Variants in IL1RAPL1 observed in about 807,000 individuals in gnomAD.
IL1RAPL1 encodes the protein interleukin-1 receptor accessory protein-like 1.
In IL1RAPL1, 3 loss-of-function variants were observed where a neutral mutation model predicts 48.4. That is an observed-to-expected ratio of 0.06 (90% CI 0.03 to 0.16). IL1RAPL1 has a LOEUF of 0.16. Ranked by LOEUF, IL1RAPL1 falls within the 10% of genes least tolerant of loss-of-function variation. The pLI is 1.00. For synonymous variants in IL1RAPL1, 185 were observed against 187.7 expected (o/e 0.99, Z 0.12); for missense variants, 349 against 530.6 (o/e 0.66, Z 3.36).
At chrX:28,847,891 A>G (rs1921553247) in intron 2 of IL1RAPL1, among the ~76,000 whole-genome samples, 1 of 112,010 alleles carries the variant, frequency 8.9e-6, no homozygotes, top group South Asian at 3.7e-4. Flanking sequence ...TGTCAGCTCC[A>G]TGAGGAGAGA....
chrX:28,685,838 TC>T (rs1255241620), intron 1 of IL1RAPL1, among the ~76,000 whole-genome samples: 4 of 112,009 alleles, frequency 3.6e-5, no homozygotes, highest in Admixed American at 1.9e-4. Context: ...TTCTCCCTTC[TC>T]AAGATTTTCT....
intron 2 of IL1RAPL1, among the ~76,000 whole-genome samples, chrX:29,044,402 C>T (rs1289247255): frequency 9.1e-6 from 1 of 110,312 alleles, no homozygotes; most frequent in Non-Finnish European, 1.9e-5. Context: ...TACACTCCAG[C>T]CTAGGCAACA....
intron 5 of IL1RAPL1, among the ~76,000 whole-genome samples, chrX:29,499,205 T>C (rs16988599): frequency 0.074 from 8,211 of 111,582 alleles, 752 homozygotes; most frequent in African/African-American, 0.25. Context: ...GATTTGAATA[T>C]TGTTTGAGTG....
chrX:28,962,621 T>C (rs1290637062), intron 2 of IL1RAPL1, among the ~76,000 whole-genome samples: 76 of 111,282 alleles, frequency 6.8e-4, no homozygotes, highest in Non-Finnish European at 7.5e-5. Flanking sequence ...AAATAATAAG[T>C]AGTTATATAC....
intron 6 of IL1RAPL1, among the ~76,000 whole-genome samples, chrX:29,756,982 G>A (rs1928635083): frequency 9.0e-6 from 1 of 111,324 alleles, no homozygotes; most frequent in Admixed American, 9.6e-5. Context: ...GGAATGCCAA[G>A]GATTGCTGAC....
intron 2 of IL1RAPL1, among the ~76,000 whole-genome samples, chrX:28,839,279 T>G (rs112838037): frequency 0.019 from 2,067 of 111,109 alleles, 50 homozygotes; most frequent in African/African-American, 0.064. Flanking sequence ...TGCTAGAACC[T>G]ATACCAAACT....
chrX:29,635,795 GAA>G (rs199689857), intron 5 of IL1RAPL1, among the ~76,000 whole-genome samples: 3 of 97,793 alleles, frequency 3.1e-5, no homozygotes, highest in East Asian at 3.1e-4. Flanking sequence ...GATGCTTCCG[GAA>G]AAAAAAAAAA....
intron 2 of IL1RAPL1, among the ~76,000 whole-genome samples, chrX:29,169,798 C>G (rs1300851774): frequency 4.5e-5 from 5 of 110,323 alleles, no homozygotes; most frequent in African/African-American, 1.6e-4. Context: ...TTAAATTAAG[C>G]AATAAAGGAT....
At chrX:28,705,547 C>T (rs374243232) in intron 1 of IL1RAPL1, among the ~76,000 whole-genome samples, 58 of 111,824 alleles carry the variant, frequency 5.2e-4, no homozygotes, top group African/African-American at 1.8e-3. Flanking sequence ...AAACTAGCAA[C>T]GTGCACATGT....
At chrX:29,557,575 A>C (rs1349794088) in intron 5 of IL1RAPL1, among the ~76,000 whole-genome samples, 1 of 111,571 alleles carries the variant, frequency 9.0e-6, no homozygotes, top group Non-Finnish European at 1.9e-5. Flanking sequence ...TGCACAATAC[A>C]GTATTATTAA....
rs150369127 is a variant in IL1RAPL1 at position 28,778,653 on chromosome X, C to G, written c.-24-10667C>G. On this transcript the variant is annotated intron_variant, in intron 1 of 10. Transcript: ENST00000378993. Reference sequence around the variant, plus strand: ...CAGCACAGTGCACTTTCCATTTTAGCTAGTCAGGTTCATCCATTTACAGTA... The same window carrying G: ...CAGCACAGTGCACTTTCCATTTTAGGTAGTCAGGTTCATCCATTTACAGTA... Among the ~76,000 whole-genome samples, 1,091 of 111,849 alleles carry G rather than the reference C, an allele frequency of 9.8e-3. 11 individuals are homozygous for G. The highest frequency in any genetic ancestry group is 0.017 in the Non-Finnish European group (882 of 53,053).
intron 5 of IL1RAPL1, among the ~76,000 whole-genome samples, chrX:29,433,913 T>G (rs2147714102): frequency 9.1e-6 from 1 of 110,111 alleles, no homozygotes; most frequent in Non-Finnish European, 1.9e-5. Flanking sequence ...CATTTTACAG[T>G]TGTGCCTTTG....
intron 6 of IL1RAPL1, among the ~76,000 whole-genome samples, chrX:29,802,914 TGTAC>T (rs1930007705): frequency 3.7e-5 from 2 of 54,372 alleles, no homozygotes; most frequent in African/African-American, 1.4e-4. Context: ...TGTATATATG[TGTAC>T]ATATATACAT....
intron 6 of IL1RAPL1, among the ~76,000 whole-genome samples, chrX:29,771,467 T>C (rs1303066584): frequency 8.9e-6 from 1 of 112,272 alleles, no homozygotes; most frequent in Admixed American, 9.4e-5. Context: ...TTCCCATTAC[T>C]GGAAGGAAAG....
At position 28,620,011 on chromosome X, in the gene IL1RAPL1, C is replaced by T. The variant is rs4893579; in HGVS notation, c.-25+31964C>T. ...GAAATAACTTTGGAACATGCTGCTT[C>T]TATGTCTCTTACATGGATATTCACA... On this transcript the variant is annotated intron_variant, in intron 1 of 10. Coordinates refer to ENST00000378993, the MANE Select transcript of IL1RAPL1 (RefSeq NM_014271.4). Among the ~76,000 whole-genome samples, 278 of 110,910 alleles carry T rather than the reference C, an allele frequency of 2.5e-3. 1 individual carries two copies. The East Asian group carries it at 0.037, about 15-fold the overall frequency.
At chrX:29,702,722 C>G (rs764297911) in intron 6 of IL1RAPL1, among the ~76,000 whole-genome samples, 1 of 112,336 alleles carries the variant, frequency 8.9e-6, no homozygotes, top group Non-Finnish European at 1.9e-5. Flanking sequence ...GAGTTTTCTT[C>G]AAGTGACATG....
chrX:29,253,646 G>T (rs767539395), intron 2 of IL1RAPL1, among the ~76,000 whole-genome samples: 1 of 111,066 alleles, frequency 9.0e-6, no homozygotes, highest in East Asian at 2.8e-4. Context: ...GGATTAACTG[G>T]ATCCTAACAC....
chrX:28,745,274 A>T (rs1463665244), intron 1 of IL1RAPL1, among the ~76,000 whole-genome samples: 1 of 111,662 alleles, frequency 9.0e-6, no homozygotes, highest in African/African-American at 3.3e-5. Flanking sequence ...CATTACCTTC[A>T]GCCTTGAGCA....
intron 2 of IL1RAPL1, among the ~76,000 whole-genome samples, chrX:28,873,806 CA>C (rs1490374958): frequency 0.014 from 1,496 of 109,592 alleles, 18 homozygotes; most frequent in Non-Finnish European, 0.019. Context: ...GCTGGGATTA[CA>C]AGCATGAGCC....
Sources: gnomAD v4.1 joint callset for allele counts (sites outside exome capture counted in the v4.1 genomes callset) on GRCh38, gnomAD v4.1.1 for gene constraint, MANE v1.5 for transcripts, NCBI Gene and HGNC (gene_info 2026-07-23, HGNC 2026-07-21) for gene names.